DNM3: variants seen among roughly 807,000 people sequenced by gnomAD.
The protein encoded by DNM3 is dynamin 3.
A neutral mutation model predicts 101.6 loss-of-function variants in DNM3; 47 were observed. The observed-to-expected ratio is 0.46, with a 90% CI of 0.37 to 0.59. The LOEUF (loss-of-function observed/expected upper bound fraction) is 0.59. DNM3 is among the 20% of genes least tolerant of loss of function. DNM3 has a pLI of 0.00. For missense variants in DNM3, 849 were observed against 1,085.7 expected, an observed-to-expected ratio of 0.78 and a Z score of 3.06; for synonymous variants, 385 against 387.9, an observed-to-expected ratio of 0.99 and a Z score of 0.09.
intron 4 of DNM3, among the ~76,000 whole-genome samples, chr1:172,026,657 T>A (rs1292576790): frequency 6.7e-6 from 1 of 150,158 alleles, no homozygotes; most frequent in Non-Finnish European, 1.5e-5. Context: ...ATATTCAACA[T>A]GCTTTTTTTT....
At chr1:172,219,464 A>G (rs2060828825) in intron 14 of DNM3, among the ~76,000 whole-genome samples, 2 of 151,858 alleles carry the variant, frequency 1.3e-5, no homozygotes, top group Non-Finnish European at 2.9e-5. Flanking sequence ...GCTTGATATG[A>G]AACAGTAAAG....
chr1:172,292,015 T>G (rs1161343824), intron 15 of DNM3, among the ~76,000 whole-genome samples: 1 of 152,192 alleles, frequency 6.6e-6, no homozygotes, highest in African/African-American at 2.4e-5. Flanking sequence ...CAAAATTTAC[T>G]TTTATATTTT....
intron 14 of DNM3, among the ~76,000 whole-genome samples, chr1:172,147,115 C>T (rs546284764): frequency 6.6e-6 from 1 of 152,204 alleles, no homozygotes; most frequent in South Asian, 2.1e-4. Context: ...AATAGTTCAA[C>T]GAATATTTAT....
At chr1:171,945,561 A>G (rs776128997) in intron 2 of DNM3, among the ~76,000 whole-genome samples, 1 of 152,188 alleles carries the variant, frequency 6.6e-6, no homozygotes, top group Non-Finnish European at 1.5e-5. Context: ...TCATTCAACA[A>G]TGAGGAAATG....
chr1:172,374,309 G>A (rs2068493642), intron 17 of DNM3, among the ~76,000 whole-genome samples: 1 of 152,038 alleles, frequency 6.6e-6, no homozygotes, highest in Non-Finnish European at 1.5e-5. Context: ...TAATTCATGT[G>A]TAGGAATAGT....
chr1:172,307,296 A>G (rs767892929), intron 15 of DNM3, among the ~76,000 whole-genome samples: 6 of 152,246 alleles, frequency 3.9e-5, no homozygotes, highest in African/African-American at 1.4e-4. Flanking sequence ...ACTGATCATC[A>G]GAGAAATGCA....
At chr1:172,284,665 C>T (rs2063627717) in intron 15 of DNM3, among the ~76,000 whole-genome samples, 1 of 152,176 alleles carries the variant, frequency 6.6e-6, no homozygotes, top group South Asian at 2.1e-4. Context: ...ATTTGTCCTT[C>T]CATTTTCTTC....
At chr1:172,096,509 A>C (rs1355559314) in intron 13 of DNM3, among the ~76,000 whole-genome samples, 2 of 152,198 alleles carry the variant, frequency 1.3e-5, no homozygotes, top group African/African-American at 4.8e-5. Context: ...AGAATCCAAA[A>C]AATCTGTGAT....
chr1:172,152,850 A>T (rs2148239936), intron 14 of DNM3, among the ~76,000 whole-genome samples: 1 of 152,288 alleles, frequency 6.6e-6, no homozygotes, highest in South Asian at 2.1e-4. Flanking sequence ...ACCATGTAAG[A>T]TAATTTACAT....
At chr1:172,079,347 C>G (rs2052945788) in intron 11 of DNM3, among the ~76,000 whole-genome samples, 1 of 151,946 alleles carries the variant, frequency 6.6e-6, no homozygotes, top group Admixed American at 6.6e-5. Flanking sequence ...AATCTTGTCT[C>G]TACACTTTAC....
chr1:172,058,134 A>G (rs1351385503), intron 10 of DNM3, among the ~76,000 whole-genome samples: 8 of 138,358 alleles, frequency 5.8e-5, no homozygotes, highest in Admixed American at 7.4e-5. Flanking sequence ...CAACTCAACA[A>G]GAAGAGCTAA....
intron 14 of DNM3, chr1:172,140,030 A>T (rs1022815197): frequency 3.3e-5 from 5 of 152,082 alleles, no homozygotes; most frequent in Admixed American, 6.6e-5. Context: ...TTGTCCAAGG[A>T]TTGTATAATT....
intron 4 of DNM3, among the ~76,000 whole-genome samples, chr1:171,995,008 G>T (rs1356187468): frequency 2.0e-5 from 3 of 147,664 alleles, no homozygotes; most frequent in Non-Finnish European, 4.5e-5. Flanking sequence ...TGGTGTTTTT[G>T]TTTTCAAGGC....
At chr1:172,069,184 C>T (rs2051955524) in intron 11 of DNM3, among the ~76,000 whole-genome samples, 1 of 152,014 alleles carries the variant, frequency 6.6e-6, no homozygotes, top group African/African-American at 2.4e-5. Context: ...TCTCAATGCT[C>T]CATGGATCAT....
At chr1:172,396,169 G>GCC (rs2069977605) in intron 20 of DNM3, among the ~76,000 whole-genome samples, 2 of 152,134 alleles carry the variant, frequency 1.3e-5, no homozygotes, top group Admixed American at 1.3e-4. Flanking sequence ...ACTAGGAAAT[G>GCC]CCCACTCCTG....
chr1:172,059,541 A>T (rs1572317359), intron 10 of DNM3, among the ~76,000 whole-genome samples: 2 of 87,420 alleles, frequency 2.3e-5, no homozygotes, highest in African/African-American at 1.1e-4. Flanking sequence ...CTGGTTCAAT[A>T]TATGCAAATC....
chr1:172,375,932 C>T (rs963757892), intron 17 of DNM3, among the ~76,000 whole-genome samples: 1 of 151,582 alleles, frequency 6.6e-6, no homozygotes, highest in Admixed American at 6.6e-5. Flanking sequence ...TTCGAGACTG[C>T]AGTGAGCTAT....
In DNM3 at chr1:172,131,301, G is replaced by C. The variant is rs2056923655; in HGVS notation, c.1659+13G>C. The C allele has an allele frequency of 6.2e-7, 1 of 1,606,134 alleles. No individual in the cohort carries two copies. The highest frequency in any genetic ancestry group is 1.7e-5 in the Admixed American group (1 of 59,832). On this transcript the variant is annotated intron_variant, in intron 14 of 20. Transcript: ENST00000627582. ...TAAAGATGATGAGGTAAGTCACAGA[G>C]AGTGATAAAGTTTTCTTGTTAAAGT...
At chr1:172,385,123 A>G (rs2149071866) in intron 18 of DNM3, among the ~76,000 whole-genome samples, 1 of 152,268 alleles carries the variant, frequency 6.6e-6, no homozygotes, top group Middle Eastern at 3.4e-3. Context: ...CAACAGCACC[A>G]AGTTCAGTTC....
Sources: gnomAD v4.1 joint callset for allele counts (sites outside exome capture counted in the v4.1 genomes callset) on GRCh38, gnomAD v4.1.1 for gene constraint, MANE v1.5 for transcripts, NCBI Gene and HGNC (gene_info 2026-07-23, HGNC 2026-07-21) for gene names.